TMPRSS5: variants seen among roughly 807,000 people sequenced by gnomAD.
The protein encoded by TMPRSS5 is transmembrane serine protease 5.
TMPRSS5 carries 45 observed loss-of-function variants against 59.7 expected under a neutral mutation model. The ratio of observed to expected loss-of-function variants is 0.75; its 90% CI spans 0.59 to 0.97. TMPRSS5 has a LOEUF of 0.97. Ranked by LOEUF, TMPRSS5 falls within the 50% of genes least tolerant of loss-of-function variation. The pLI, the probability that TMPRSS5 is intolerant of heterozygous loss-of-function variation, is 0.00. For missense variants in TMPRSS5, 585 were observed against 596.7 expected (o/e 0.98, Z 0.20); for synonymous variants, 225 against 232.0 (o/e 0.97, Z 0.27).
At position 113,703,686 on chromosome 11, in the gene TMPRSS5, C is replaced by A. The variant is rs1565268094; in HGVS notation, c.3+2536G>T. 3.9e-5 allele frequency among the ~76,000 whole-genome samples: 6 copies of A among 152,292 alleles called. 1 individual carries two copies. The South Asian group carries it at 1.0e-3, about 26-fold the overall frequency. ...ATAGTAGGTGATTGGATCATGGGGG[C>A]AGTTCCCCTATGCTATTCTCATGAT... is the stretch of plus-strand genomic sequence containing the variant. On this transcript the variant is annotated intron_variant, in intron 1 of 12. Transcript: ENST00000299882.
Position 113,698,984 on chromosome 11 carries a change from G to T in TMPRSS5, c.249C>A (p.Thr83=). ...CPAASQPISG[T]LQDEEITLSC... Reference sequence around the variant, plus strand: ...TCAAAGTTATCTCCTCATCCTGCAAGGTCCCGGAAATGGGCTGAGAGGCAG... The same window carrying T: ...TCAAAGTTATCTCCTCATCCTGCAATGTCCCGGAAATGGGCTGAGAGGCAG... Residue 83 remains threonine (T), a synonymous_variant, in exon 4 of 13, where the codon ACC becomes ACA. Coordinates refer to ENST00000299882, the MANE Select transcript of TMPRSS5 (RefSeq NM_030770.4). The T allele has an allele frequency of 6.2e-7, 1 of 1,609,708 alleles. No individual in the cohort carries two copies. The highest frequency in any genetic ancestry group is 1.7e-4 in the Middle Eastern group (1 of 6,052).
intron 8 of TMPRSS5, 111 bp from the exon 9 acceptor site, chr11:113,693,360 C>T: frequency 8.0e-7 from 1 of 1,247,534 alleles, no homozygotes; most frequent in Non-Finnish European, 1.1e-6. Flanking sequence ...GGGGGGCCGT[C>T]AGCAGGCGGT....
At chr11:113,699,803 A>T in intron 2 of TMPRSS5, 110 bp from the exon 3 acceptor site, 1 of 1,390,502 alleles carries the variant, frequency 7.2e-7, no homozygotes, top group South Asian at 1.3e-5. Context: ...CCAACAGGAC[A>T]CCTCCTCCTG....
At chr11:113,699,984 C>T (rs748833367) in intron 2 of TMPRSS5, 82 bp downstream of exon 2, 19 of 1,548,206 alleles carry the variant, frequency 1.2e-5, no homozygotes, top group African/African-American at 4.1e-5. Flanking sequence ...GGGGCTGACC[C>T]CAAGGAGGAT....
chr11:113,697,262 C>T (rs747085508), intron 5 of TMPRSS5, 21 bp downstream of exon 5: 10 of 1,600,740 alleles, frequency 6.2e-6, no homozygotes, highest in African/African-American at 1.3e-5. Flanking sequence ...CTTCACAGGA[C>T]CCACATCTAA....
chr11:113,689,191 T>A (rs548620759), intron 12 of TMPRSS5, among the ~76,000 whole-genome samples: 1 of 152,026 alleles, frequency 6.6e-6, no homozygotes, highest in Admixed American at 6.5e-5. Context: ...AACCCATCTC[T>A]ACTAAATACA....
chr11:113,702,328 T>C (rs923654341), intron 1 of TMPRSS5, among the ~76,000 whole-genome samples: 1 of 152,192 alleles, frequency 6.6e-6, no homozygotes, highest in South Asian at 2.1e-4. Context: ...CTGGGTCAAA[T>C]GGTATTTCTG....
At chr11:113,691,081 C>A (rs1952767502) in intron 9 of TMPRSS5, 142 bp from the exon 10 acceptor site, 3 of 705,530 alleles carry the variant, frequency 4.3e-6, no homozygotes, top group Non-Finnish European at 4.8e-6. Flanking sequence ...CCAGCCAGGC[C>A]TCCTAGATGG....
intron 1 of TMPRSS5, among the ~76,000 whole-genome samples, chr11:113,705,027 AT>A (rs1953254171): frequency 6.6e-6 from 1 of 152,174 alleles, no homozygotes; most frequent in African/African-American, 2.4e-5. Flanking sequence ...CCCAAAATTT[AT>A]AATCCAGTAG....
intron 1 of TMPRSS5, among the ~76,000 whole-genome samples, chr11:113,702,752 T>G (rs1953177567): frequency 6.6e-6 from 1 of 152,178 alleles, no homozygotes; most frequent in South Asian, 2.1e-4. Context: ...CAGCCATGGC[T>G]AAAAGGGGAC....
intron 10 of TMPRSS5, among the ~76,000 whole-genome samples, chr11:113,690,599 C>T (rs950909483): frequency 6.6e-6 from 1 of 151,972 alleles, no homozygotes; most frequent in Non-Finnish European, 1.5e-5. Context: ...GAGACCATGG[C>T]GCTCCTGGGA....
At chr11:113,703,413 C>T (rs144858340) in intron 1 of TMPRSS5, among the ~76,000 whole-genome samples, 1 of 152,170 alleles carries the variant, frequency 6.6e-6, no homozygotes, top group Non-Finnish European at 1.5e-5. Flanking sequence ...TTTGATTTTA[C>T]AGGCTCATAG....
At chr11:113,701,468 A>C (rs1454934120) in intron 1 of TMPRSS5, among the ~76,000 whole-genome samples, 1 of 142,858 alleles carries the variant, frequency 7.0e-6, no homozygotes, top group Non-Finnish European at 1.5e-5. Context: ...GATCTGTGGA[A>C]CTTTGGTGGT....
chr11:113,691,811 C>T (rs535444619), intron 9 of TMPRSS5, among the ~76,000 whole-genome samples: 14 of 150,122 alleles, frequency 9.3e-5, no homozygotes, highest in African/African-American at 3.4e-4. Flanking sequence ...GTATCTACTA[C>T]TTAGATACTA....
intron 11 of TMPRSS5, 55 bp downstream of exon 11, chr11:113,690,176 G>GGCCACCCC: frequency 2.6e-6 from 1 of 388,228 alleles, no homozygotes; most frequent in East Asian, 4.7e-5. Flanking sequence ...CAGGCCCCCT[G>GGCCACCCC]CCCTCCCACC....
At position 113,693,236 on chromosome 11, in the gene TMPRSS5, G is replaced by A. The variant is rs538641785; in HGVS notation, c.799C>T (p.Arg267Cys). ...AHCMHSFRLA[R>C]LSSWRVHAGL... ...GCATGAACCCGCCAGCTGGACAGGC[G>A]GGCCAGCCTGAAACTGCACACAGGG... The change falls in exon 9 of 13, where the codon CGC becomes TGC. Residue 267 changes from arginine (R) to cysteine (C), a missense_variant. By Grantham distance (180) the Arg-to-Cys change is radical. Transcript: ENST00000299882. 51 of 1,567,734 alleles carry A rather than the reference G, an allele frequency of 3.3e-5. No homozygotes were observed. The highest frequency in any genetic ancestry group is 1.7e-4 in the Middle Eastern group (1 of 5,860).
intron 3 of TMPRSS5, among the ~76,000 whole-genome samples, chr11:113,699,258 T>TC (rs1953037883): frequency 1.9e-5 from 1 of 51,826 alleles, no homozygotes; most frequent in Admixed American, 2.2e-4. Context: ...TCTCTCTCTC[T>TC]CTCTCTCTCT....
At chr11:113,701,705 G>A (rs756917322) in intron 1 of TMPRSS5, among the ~76,000 whole-genome samples, 1 of 151,918 alleles carries the variant, frequency 6.6e-6, no homozygotes, top group Non-Finnish European at 1.5e-5. Flanking sequence ...TCACTGATCT[G>A]TTTCTCTCAC....
Position 113,690,917 on chromosome 11 carries a change from C to T in TMPRSS5, c.987G>A (p.Leu329=), listed in dbSNP as rs771393853. 3 of 1,592,072 alleles carry T rather than the reference C, an allele frequency of 1.9e-6. No individual in the cohort carries two copies. Among genetic ancestry groups the T allele is most frequent in the South Asian group, 2.3e-5 (2 of 87,058 alleles). Residue 329 remains leucine, a synonymous_variant, in exon 10 of 13, where the codon CTG becomes CTA. Transcript: ENST00000299882. ...NFSDTVGAVC[L]PAKEQHFPKG... ...TCGGAAAATGCTGTTCCTTGGCCGGCAGGCACACAGCGCCCACAGTGTCTG... is the reference window on the plus strand; with the variant it reads ...TCGGAAAATGCTGTTCCTTGGCCGGTAGGCACACAGCGCCCACAGTGTCTG...
Sources: allele counts gnomAD v4.1 joint callset (sites outside exome capture counted in the v4.1 genomes callset), GRCh38; gene constraint gnomAD v4.1.1; transcripts MANE v1.5; gene names NCBI Gene and HGNC (gene_info 2026-07-23, HGNC 2026-07-21).